The following AKAP19 variants were observed in gnomAD, a reference collection of about 807,000 sequenced individuals.
The protein encoded by AKAP19 is A-kinase anchoring protein 19, also known as small A-kinase anchoring protein.
At chr2:190,194,627 T>A in the AKAP19 span, among the ~76,000 whole-genome samples, 1 of 152,076 alleles carries the variant, frequency 6.6e-6, no homozygotes, top group African/African-American at 2.4e-5. Context: ...ATGACAGAAA[T>A]CCATTATTAG....
the AKAP19 span, chr2:190,057,697 C>T: frequency 6.4e-7 from 1 of 1,566,590 alleles, no homozygotes; most frequent in South Asian, 1.1e-5. Context: ...ACTTTTCTAC[C>T]TACCTTAAGA....
At chr2:190,095,648 A>T in the AKAP19 span, 2 of 152,372 alleles carry the variant, frequency 1.3e-5, no homozygotes, top group African/African-American at 4.8e-5. Flanking sequence ...AATCTATAGT[A>T]CTTCGTTATA....
chr2:189,964,127 A>G, the AKAP19 span, among the ~76,000 whole-genome samples: 2 of 152,348 alleles, frequency 1.3e-5, no homozygotes, highest in Admixed American at 1.3e-4. Context: ...TACAGAATGG[A>G]TGTTGTATTA....
At chr2:189,942,228 T>A in the AKAP19 span, among the ~76,000 whole-genome samples, 1 of 152,028 alleles carries the variant, frequency 6.6e-6, no homozygotes, top group Non-Finnish European at 1.5e-5. Flanking sequence ...TAGTGAGTTC[T>A]TATGAGATCA....
At chr2:189,957,181 A>G in the AKAP19 span, among the ~76,000 whole-genome samples, 1 of 152,238 alleles carries the variant, frequency 6.6e-6, no homozygotes, top group Non-Finnish European at 1.5e-5. Flanking sequence ...CTCAAATAAA[A>G]TAAAATAAAA....
At chr2:189,983,419 A>G in the AKAP19 span, among the ~76,000 whole-genome samples, 1 of 152,164 alleles carries the variant, frequency 6.6e-6, no homozygotes, top group Non-Finnish European at 1.5e-5. Flanking sequence ...AGCCTAAGCT[A>G]CCAGGGCTCA....
chr2:190,044,203 G>A, the AKAP19 span, among the ~76,000 whole-genome samples: 5 of 152,248 alleles, frequency 3.3e-5, no homozygotes, highest in East Asian at 3.9e-4. Flanking sequence ...CAGTGTTTAT[G>A]TTCCTTCCCC....
the AKAP19 span, among the ~76,000 whole-genome samples, chr2:189,894,822 T>A: frequency 6.6e-6 from 1 of 151,640 alleles, no homozygotes; most frequent in Non-Finnish European, 1.5e-5. Flanking sequence ...CCTCTCATAA[T>A]ATCTTATTTC....
At chr2:190,123,331 C>A in the AKAP19 span, among the ~76,000 whole-genome samples, 3 of 151,954 alleles carry the variant, frequency 2.0e-5, no homozygotes, top group Non-Finnish European at 2.9e-5. Context: ...TATTAACTTT[C>A]TTTTATATAG....
chr2:189,969,871 T>TC, the AKAP19 span, among the ~76,000 whole-genome samples: 9 of 116,792 alleles, frequency 7.7e-5, no homozygotes, highest in African/African-American at 2.9e-4. Flanking sequence ...TTCTTCTTCT[T>TC]TTTTTTTTTT....
chr2:189,896,159 T>G, the AKAP19 span, among the ~76,000 whole-genome samples: 6 of 152,176 alleles, frequency 3.9e-5, no homozygotes, highest in Non-Finnish European at 8.8e-5. Context: ...AAATATATTA[T>G]TTCTAAACTT....
the AKAP19 span, among the ~76,000 whole-genome samples, chr2:189,936,040 T>G: frequency 4.6e-5 from 7 of 152,140 alleles, no homozygotes; most frequent in African/African-American, 1.7e-4. Context: ...CTTTAGGAAA[T>G]CATTTAATAT....
the AKAP19 span, among the ~76,000 whole-genome samples, chr2:190,077,149 A>G: frequency 6.7e-6 from 1 of 150,320 alleles, no homozygotes; most frequent in East Asian, 1.9e-4. Context: ...TATTATGCTC[A>G]TATTTTCTTT....
chr2:190,199,771 C>T, the AKAP19 span: 2 of 1,547,664 alleles, frequency 1.3e-6, no homozygotes, highest in Non-Finnish European at 1.7e-6. Context: ...AAGCACTGGT[C>T]AACATCACAT....
the AKAP19 span, among the ~76,000 whole-genome samples, chr2:189,967,986 A>T: frequency 2.0e-5 from 3 of 152,202 alleles, no homozygotes; most frequent in Admixed American, 6.5e-5. Context: ...AGGAAAAAAA[A>T]TTTTGATTAA....
the AKAP19 span, among the ~76,000 whole-genome samples, chr2:190,119,283 C>T: frequency 1.3e-5 from 2 of 152,300 alleles, no homozygotes; most frequent in African/African-American, 4.8e-5. Flanking sequence ...GCGAGGCGGG[C>T]TCCAAAGCTG....
the AKAP19 span, among the ~76,000 whole-genome samples, chr2:190,118,251 A>G: frequency 6.6e-6 from 1 of 152,144 alleles, no homozygotes; most frequent in African/African-American, 2.4e-5. Flanking sequence ...AAAAAGTCCA[A>G]GACCAGACAG....
the AKAP19 span, among the ~76,000 whole-genome samples, chr2:190,146,645 G>A: frequency 1.8e-3 from 277 of 152,234 alleles, 2 homozygotes; most frequent in African/African-American, 6.3e-3. Context: ...CCTTTTCACC[G>A]CATCCATGCA....
the AKAP19 span, among the ~76,000 whole-genome samples, chr2:190,098,787 C>T: frequency 1.3e-5 from 2 of 152,218 alleles, no homozygotes; most frequent in Non-Finnish European, 2.9e-5. Context: ...TAGCCACCTT[C>T]ATCAATGATG....
Sources: gnomAD v4.1 joint callset for allele counts (sites outside exome capture counted in the v4.1 genomes callset) on GRCh38, gnomAD v4.1.1 for gene constraint, MANE v1.5 for transcripts, NCBI Gene and HGNC (gene_info 2026-07-23, HGNC 2026-07-21) for gene names.